CLDN16: variants seen among roughly 807,000 people sequenced by gnomAD.
CLDN16 encodes the protein claudin 16.
CLDN16 carries 13 observed loss-of-function variants against 24.6 expected under a neutral mutation model. The ratio of observed to expected loss-of-function variants is 0.53; its 90% CI spans 0.34 to 0.84. CLDN16 has a LOEUF of 0.84. CLDN16 is among the 40% of genes least tolerant of loss of function. The pLI, the probability that CLDN16 is intolerant of heterozygous loss-of-function variation, is 0.01. For synonymous variants in CLDN16, 116 were observed against 106.7 expected (o/e 1.09, Z -0.54); for missense variants, 298 against 292.7 (o/e 1.02, Z -0.13).
At chr3:190,388,764 T>C (rs1491991) in intron 1 of CLDN16, among the ~76,000 whole-genome samples, 28,353 of 152,132 alleles carry the variant, frequency 0.19, 3,083 homozygotes, top group Middle Eastern at 0.29. Context: ...TTGCTGCATA[T>C]ATCATATTGA....
At chr3:190,313,985 C>A in the CLDN16 span, among the ~76,000 whole-genome samples, 1 of 152,104 alleles carries the variant, frequency 6.6e-6, no homozygotes, top group African/African-American at 2.4e-5. Context: ...GATTTATGTC[C>A]TCCTTTAATT....
chr3:190,308,169 A>G, the CLDN16 span: 1 of 1,289,956 alleles, frequency 7.8e-7, no homozygotes, highest in Non-Finnish European at 1.1e-6. Flanking sequence ...TTGTAATACC[A>G]TACTTCAGAT....
At chr3:190,381,162 A>G (rs985908174) in intron 3 of CLDN16, among the ~76,000 whole-genome samples, 4 of 152,144 alleles carry the variant, frequency 2.6e-5, no homozygotes, top group Admixed American at 6.5e-5. Context: ...CAGCGAGAAA[A>G]AGAGTAAAGG....
chr3:190,378,716 C>T (rs928181885), intron 3 of CLDN16, among the ~76,000 whole-genome samples: 15 of 152,008 alleles, frequency 9.9e-5, no homozygotes, highest in Admixed American at 7.2e-4. Context: ...GTAGGCCTCA[C>T]TCTCCTTGGG....
At chr3:190,354,570 C>G (rs1717729207) in intron 1 of CLDN16, among the ~76,000 whole-genome samples, 1 of 151,982 alleles carries the variant, frequency 6.6e-6, no homozygotes. Context: ...TGAGATGGCA[C>G]GTGATCCAGT....
chr3:190,405,019 G>A lies in CLDN16; in HGVS notation c.382+93G>A. 6 of 1,276,516 alleles carry A rather than the reference G, an allele frequency of 4.7e-6. 1 individual carries two copies. The South Asian group carries it at 4.8e-5, about 10-fold the overall frequency. The allele number at this position is 1,276,516 out of a possible 1,614,324, so 79.1% of individuals were successfully genotyped here. A position where few individuals can be genotyped will look rare whatever the true frequency, so the allele number is the denominator to read the frequency against. On this transcript the variant is annotated intron_variant, in intron 3 of 4. Coordinates refer to ENST00000264734, the MANE Select transcript of CLDN16 (RefSeq NM_006580.4). ...AGTTGTGCTGAAGCTGCTCATTTTC[G>A]GATTATATGTGGCTTCCCTTTCTAG... is the stretch of plus-strand genomic sequence containing the variant.
At chr3:190,322,246 T>A (rs987578210), upstream of CLDN16, 2 of 1,587,270 alleles carry the variant, frequency 1.3e-6, no homozygotes, top group Non-Finnish European at 8.6e-7. Context: ...GGGTGGCAGG[T>A]GCAGAAGGCG....
intron 1 of CLDN16, among the ~76,000 whole-genome samples, chr3:190,368,606 A>T (rs1331538027): frequency 1.3e-5 from 2 of 151,962 alleles, no homozygotes. Flanking sequence ...TGGACAAGTG[A>T]CTTAAGTTCG....
At chr3:190,384,112 G>A (rs1316926534), upstream of CLDN16, among the ~76,000 whole-genome samples, 4 of 151,970 alleles carry the variant, frequency 2.6e-5, no homozygotes, top group Non-Finnish European at 5.9e-5. Flanking sequence ...TTTAACCACC[G>A]CTTTTTTTAT....
intron 1 of CLDN16, among the ~76,000 whole-genome samples, chr3:190,391,117 GA>G (rs1718648020): frequency 6.6e-6 from 1 of 150,780 alleles, no homozygotes; most frequent in Non-Finnish European, 1.5e-5. Context: ...AAAAGTCAAC[GA>G]AACAAGTGTT....
intron 1 of CLDN16, among the ~76,000 whole-genome samples, chr3:190,361,655 G>A (rs1717889405): frequency 6.6e-6 from 1 of 151,940 alleles, no homozygotes; most frequent in Admixed American, 6.6e-5. Context: ...TATTTAGGCA[G>A]AAAGTGAGGG....
chr3:190,347,913 G>A (rs1449296693), intron 1 of CLDN16, among the ~76,000 whole-genome samples: 1 of 151,908 alleles, frequency 6.6e-6, no homozygotes, highest in Non-Finnish European at 1.5e-5. Context: ...GGAGCATAGG[G>A]AACCTAGTGG....
At chr3:190,408,963 GTATACAT>G (rs912673323) in intron 4 of CLDN16, among the ~76,000 whole-genome samples, 3 of 149,638 alleles carry the variant, frequency 2.0e-5, no homozygotes, top group Non-Finnish European at 4.4e-5. Context: ...ATATGTATAT[GTATACAT>G]ATATGTATAA....
chr3:190,368,252 C>G (rs966123034), intron 1 of CLDN16, among the ~76,000 whole-genome samples: 1 of 151,950 alleles, frequency 6.6e-6, no homozygotes, highest in Non-Finnish European at 1.5e-5. Flanking sequence ...CCTCTGAACA[C>G]TCTGTGGGAA....
At chr3:190,379,125 T>C (rs1269960153) in intron 3 of CLDN16, among the ~76,000 whole-genome samples, 2 of 152,078 alleles carry the variant, frequency 1.3e-5, no homozygotes, top group Admixed American at 1.3e-4. Context: ...CTTTCTATAA[T>C]GGTCAGATCA....
the CLDN16 span, chr3:190,312,741 A>G: frequency 1.0e-6 from 1 of 967,332 alleles, no homozygotes; most frequent in Non-Finnish European, 1.6e-6. Flanking sequence ...ATGAAAGTCA[A>G]CTGGACTTCA....
the CLDN16 span, among the ~76,000 whole-genome samples, chr3:190,298,442 T>C: frequency 7.1e-6 from 1 of 141,180 alleles, no homozygotes; most frequent in Non-Finnish European, 1.5e-5. Context: ...CAATGTGTCC[T>C]TCTGGGAGTT....
chr3:190,329,222 C>G (rs143605787), intron 1 of CLDN16, among the ~76,000 whole-genome samples: 1 of 151,962 alleles, frequency 6.6e-6, no homozygotes, highest in Admixed American at 6.6e-5. Context: ...ATGTCAAAGG[C>G]GGGACATTGC....
chr3:190,306,770 A>G, the CLDN16 span: 2 of 152,816 alleles, frequency 1.3e-5, no homozygotes, highest in African/African-American at 4.8e-5. Flanking sequence ...GAGCACAAAC[A>G]TGTCAGACAC....
Sources: gnomAD v4.1 joint callset for allele counts (sites outside exome capture counted in the v4.1 genomes callset) on GRCh38, gnomAD v4.1.1 for gene constraint, MANE v1.5 for transcripts, NCBI Gene and HGNC (gene_info 2026-07-23, HGNC 2026-07-21) for gene names.